The following MYBPC2 variants were observed in gnomAD, a reference collection of about 807,000 sequenced individuals.
MYBPC2 encodes the protein myosin binding protein C2, also known as myosin-binding protein C, fast-type.
A neutral mutation model predicts 137.0 loss-of-function variants in MYBPC2; 122 were observed. That is an observed-to-expected ratio of 0.89 (90% CI 0.77 to 1.03). The LOEUF (loss-of-function observed/expected upper bound fraction) is 1.03, where lower values mean the gene tolerates loss of function less well. Among genes scored for constraint, MYBPC2 ranks in the 50% least tolerant of loss-of-function variants. The pLI is 0.00. For synonymous variants in MYBPC2, 626 were observed against 612.3 expected (o/e 1.02, Z -0.33); for missense variants, 1,500 against 1,534.4 (o/e 0.98, Z 0.37).
At chr19:50,448,533 A>G in intron 13 of MYBPC2, 143 bp downstream of exon 13, 1 of 1,130,106 alleles carries the variant, frequency 8.8e-7, no homozygotes, top group Non-Finnish European at 1.2e-6. Context: ...CAATGGCGCG[A>G]TCTCAGCTCA....
At chr19:50,459,821 G>A (rs1166252710) in intron 23 of MYBPC2, among the ~76,000 whole-genome samples, 2 of 149,820 alleles carry the variant, frequency 1.3e-5, no homozygotes, top group Admixed American at 6.7e-5. Context: ...GAGAGGAAGT[G>A]GGGAGACATG....
At chr19:50,433,133 G>A (rs1380606472) in intron 1 of MYBPC2, among the ~76,000 whole-genome samples, 161 bp downstream of exon 1, 3 of 152,176 alleles carry the variant, frequency 2.0e-5, no homozygotes, top group Admixed American at 6.5e-5. Context: ...CATCAGTTTA[G>A]GGTGAGGGTC....
At position 50,445,831 on chromosome 19, in the gene MYBPC2, G is replaced by A. The variant is rs370199501; in HGVS notation, c.1134-49G>A. 11 of 1,537,912 alleles carry A rather than the reference G, an allele frequency of 7.2e-6. No homozygotes were observed. The East Asian group carries it at 9.6e-5, about 13-fold the overall frequency. ...CGACTGACTCTCCAAGACCCAGACC[G>A]AGAGCTGTGCTGTCTCCTCACATCC... On this transcript the variant is annotated intron_variant, in intron 11 of 27. Coordinates refer to ENST00000357701, the MANE Select transcript of MYBPC2 (RefSeq NM_004533.4).
chr19:50,463,001 C>T (rs143071119), intron 26 of MYBPC2, among the ~76,000 whole-genome samples: 22 of 152,350 alleles, frequency 1.4e-4, no homozygotes, highest in African/African-American at 3.6e-4. Context: ...TAGACCAGCA[C>T]GGCTCCCCAG....
At chr19:50,458,549 G>A (rs1278515564) in intron 20 of MYBPC2, 38 bp from the exon 21 acceptor site, 1 of 1,602,640 alleles carries the variant, frequency 6.2e-7, no homozygotes, top group South Asian at 1.1e-5. Context: ...AGGATGGGAG[G>A]AGGGCACGAG....
chr19:50,439,531 G>A (rs1019923104), intron 7 of MYBPC2, among the ~76,000 whole-genome samples: 25 of 148,226 alleles, frequency 1.7e-4, no homozygotes, highest in Non-Finnish European at 3.6e-4. Flanking sequence ...CGTCTACTAG[G>A]TCCTGGGCTG....
chr19:50,464,012 G>C (rs1482635128), intron 26 of MYBPC2, among the ~76,000 whole-genome samples: 3 of 152,116 alleles, frequency 2.0e-5, no homozygotes, highest in African/African-American at 4.8e-5. Context: ...GTGGGTGCCT[G>C]TCTGGTCTGT....
intron 16 of MYBPC2, among the ~76,000 whole-genome samples, chr19:50,453,535 TTCTTTTTTTC>T (rs2039879664): frequency 6.6e-6 from 1 of 152,030 alleles, no homozygotes; most frequent in Admixed American, 6.6e-5. Context: ...TTTGGTTGGT[TTCTTTTTTTC>T]TCTTTTTTTT....
intron 7 of MYBPC2, among the ~76,000 whole-genome samples, chr19:50,439,823 G>A (rs1251187139): frequency 1.3e-5 from 2 of 152,218 alleles, no homozygotes; most frequent in Non-Finnish European, 2.9e-5. Context: ...GGGTCCCACC[G>A]GGGCCTGTGA....
At chr19:50,436,494 C>A in intron 4 of MYBPC2, 123 bp from the exon 5 acceptor site, 1 of 898,944 alleles carries the variant, frequency 1.1e-6, no homozygotes, top group Non-Finnish European at 1.7e-6. Flanking sequence ...CTCTCGGTCT[C>A]CATTGGCCCC....
intron 1 of MYBPC2, among the ~76,000 whole-genome samples, chr19:50,433,288 G>T (rs746379822): frequency 2.6e-5 from 4 of 151,406 alleles, no homozygotes; most frequent in East Asian, 1.9e-4. Flanking sequence ...ATAAGTGATT[G>T]GGGGGGCATC....
intron 26 of MYBPC2, among the ~76,000 whole-genome samples, chr19:50,464,028 G>A (rs997318647): frequency 6.6e-6 from 1 of 152,110 alleles, no homozygotes; most frequent in Non-Finnish European, 1.5e-5. Flanking sequence ...TCTGTTTGAA[G>A]GACAGTGAGG....
chr19:50,438,992 T>C (rs113518173), intron 7 of MYBPC2, among the ~76,000 whole-genome samples: 1 of 152,136 alleles, frequency 6.6e-6, no homozygotes, highest in South Asian at 2.1e-4. Flanking sequence ...TACTGATCAA[T>C]TCTGTCTGCA....
At chr19:50,440,747 C>A in intron 7 of MYBPC2, 133 bp from the exon 8 acceptor site, 1 of 853,368 alleles carries the variant, frequency 1.2e-6, no homozygotes, top group Non-Finnish European at 1.8e-6. Context: ...GGCAATGGAC[C>A]AGGCGGGAAA....
Position 50,448,382 on chromosome 19 carries a change from T to C in MYBPC2, c.1464T>C (p.His488=), listed in dbSNP as rs1249884047. 9.9e-6 allele frequency: 16 copies of C among 1,613,408 alleles called. No individual in the cohort carries two copies. Among genetic ancestry groups the C allele is most frequent in the African/African-American group, 1.3e-5 (1 of 75,032 alleles). The change falls in exon 13 of 28, where the codon CAT becomes CAC. Residue 488 remains histidine, a synonymous_variant. Transcript: ENST00000357701. ...VRPSKRITIS[H]VGRFHKLVID... is the part of the protein sequence containing the mutation. Reference sequence around the variant, plus strand: ...CCAGCAAGAGGATCACCATTTCCCATGTAGGCAGGTGAGGAGTGGGCTGCA... The same window carrying C: ...CCAGCAAGAGGATCACCATTTCCCACGTAGGCAGGTGAGGAGTGGGCTGCA...
chr19:50,437,756 C>T (rs369782053), intron 7 of MYBPC2, 38 bp downstream of exon 7: 60 of 1,577,580 alleles, frequency 3.8e-5, no homozygotes, highest in Non-Finnish European at 4.7e-5. Context: ...GGAGATGGGA[C>T]TCAAGGGGAG....
intron 11 of MYBPC2, among the ~76,000 whole-genome samples, chr19:50,444,628 C>G (rs1046723643): frequency 6.6e-6 from 1 of 151,922 alleles, no homozygotes; most frequent in Admixed American, 6.6e-5. Context: ...CGCCTGTAAT[C>G]CTAGCACTTT....
chr19:50,436,778 G>A (rs1249863911), intron 5 of MYBPC2, 44 bp downstream of exon 5: 21 of 1,573,094 alleles, frequency 1.3e-5, no homozygotes, highest in Non-Finnish European at 1.8e-5. Context: ...CTATGTCTGG[G>A]TGGGGTGGAC....
chr19:50,440,027 T>C (rs986059594), intron 7 of MYBPC2, among the ~76,000 whole-genome samples: 3 of 152,054 alleles, frequency 2.0e-5, no homozygotes, highest in African/African-American at 7.2e-5. Flanking sequence ...TCAGCAAAAG[T>C]CAAGCAGCTT....
Sources: gnomAD v4.1 joint callset for allele counts (sites outside exome capture counted in the v4.1 genomes callset) on GRCh38, gnomAD v4.1.1 for gene constraint, MANE v1.5 for transcripts, NCBI Gene and HGNC (gene_info 2026-07-23, HGNC 2026-07-21) for gene names.